The following SLC25A21 variants were observed in gnomAD, a reference collection of about 807,000 sequenced individuals.
SLC25A21 encodes mitochondrial 2-oxodicarboxylate carrier.
A neutral mutation model predicts 43.8 loss-of-function variants in SLC25A21; 47 were observed. The ratio of observed to expected loss-of-function variants is 1.07; its 90% CI spans 0.85 to 1.37. The LOEUF is 1.37. Ranked by LOEUF, SLC25A21 falls within the 40% of genes most tolerant of loss-of-function variation. The pLI is 0.00. For synonymous variants in SLC25A21, 131 were observed against 121.3 expected, an observed-to-expected ratio of 1.08 and a Z score of -0.52; for missense variants, 352 against 350.2, an observed-to-expected ratio of 1.00 and a Z score of -0.04.
intron 1 of SLC25A21, among the ~76,000 whole-genome samples, chr14:37,161,995 T>C (rs1393934700): frequency 2.9e-5 from 4 of 135,920 alleles, no homozygotes; most frequent in South Asian, 2.3e-4. Flanking sequence ...AAATCTAATA[T>C]TAAAAAAAAA....
At chr14:36,931,055 C>G (rs540133657) in intron 1 of SLC25A21, among the ~76,000 whole-genome samples, 15 of 152,172 alleles carry the variant, frequency 9.9e-5, no homozygotes, top group African/African-American at 3.6e-4. Flanking sequence ...CCCACAGACT[C>G]GGGTTCTTTT....
intron 1 of SLC25A21, among the ~76,000 whole-genome samples, chr14:36,956,721 G>A (rs903378798): frequency 6.6e-6 from 1 of 151,900 alleles, no homozygotes; most frequent in Admixed American, 6.6e-5. Context: ...ATTAACTTAC[G>A]AATAATGGGG....
chr14:36,707,952 C>A (rs1883651317), intron 7 of SLC25A21, among the ~76,000 whole-genome samples: 1 of 151,940 alleles, frequency 6.6e-6, no homozygotes, highest in South Asian at 2.1e-4. Context: ...AAGGGAGATC[C>A]CAATTTCTAC....
At chr14:36,900,469 G>A (rs980230584) in intron 1 of SLC25A21, among the ~76,000 whole-genome samples, 9 of 152,106 alleles carry the variant, frequency 5.9e-5, no homozygotes, top group Non-Finnish European at 1.3e-4. Flanking sequence ...TGACACTTTT[G>A]CTGCTTCCTA....
chr14:37,045,081 C>T (rs907616638), intron 1 of SLC25A21, among the ~76,000 whole-genome samples: 25 of 152,220 alleles, frequency 1.6e-4, no homozygotes, highest in Non-Finnish European at 3.2e-4. Flanking sequence ...AAGAATTCCA[C>T]ACACCATGAC....
At chr14:37,056,966 A>G (rs1832925260) in intron 1 of SLC25A21, among the ~76,000 whole-genome samples, 1 of 152,174 alleles carries the variant, frequency 6.6e-6, no homozygotes, top group Non-Finnish European at 1.5e-5. Context: ...TGAGAATTCG[A>G]TTTGTTTGGT....
intron 1 of SLC25A21, among the ~76,000 whole-genome samples, chr14:37,137,039 C>T (rs994126299): frequency 6.6e-6 from 1 of 152,140 alleles, no homozygotes; most frequent in African/African-American, 2.4e-5. Flanking sequence ...CTCGCTCTGT[C>T]GCCCAGGCTG....
At chr14:37,042,643 A>G (rs995326691) in intron 1 of SLC25A21, among the ~76,000 whole-genome samples, 3 of 152,228 alleles carry the variant, frequency 2.0e-5, no homozygotes, top group African/African-American at 7.2e-5. Flanking sequence ...TGACATTACA[A>G]GATTCATCAA....
chr14:36,780,961 T>C (rs1887035450), intron 3 of SLC25A21, among the ~76,000 whole-genome samples: 1 of 152,166 alleles, frequency 6.6e-6, no homozygotes, highest in South Asian at 2.1e-4. Context: ...TATCTATCTA[T>C]GCTTTCATAT....
At chr14:36,765,560 A>C (rs1363917142) in intron 3 of SLC25A21, among the ~76,000 whole-genome samples, 1 of 152,202 alleles carries the variant, frequency 6.6e-6, no homozygotes, top group African/African-American at 2.4e-5. Flanking sequence ...ATTGTATATC[A>C]TGGCTTACTG....
At position 36,679,843 on chromosome 14, in the gene SLC25A21, C is replaced by T. The variant is rs900367111; in HGVS notation, c.*815G>A. ...GTGATTTAACATGACAATATCTCATCAACAAAACTTATCTTCAAAGAGAAC... is the reference window on the plus strand; with the variant it reads ...GTGATTTAACATGACAATATCTCATTAACAAAACTTATCTTCAAAGAGAAC... On this transcript the variant is annotated 3_prime_UTR_variant, in exon 10 of 10. Transcript: ENST00000331299. The T allele has an allele frequency of 2.9e-5, 29 of 984,282 alleles. No homozygotes were observed. The highest frequency in any genetic ancestry group is 1.2e-4 in the Admixed American group (2 of 16,252). 61.0% of individuals were successfully genotyped at this position (984,282 alleles called of 1,614,324 possible). A position where few individuals can be genotyped will look rare whatever the true frequency, so the allele number is the denominator to read the frequency against.
At position 36,720,321 on chromosome 14, in the gene SLC25A21, A is replaced by G. The variant is rs991173854; in HGVS notation, c.438+5249T>C. ...GTTGTTAGGAAATTTCATGTCTAAA[A>G]GACCCCACGGACTCACCACCTTAGG... is the stretch of plus-strand genomic sequence containing the variant. On this transcript the variant is annotated intron_variant, in intron 6 of 9. Coordinates refer to ENST00000331299, the MANE Select transcript of SLC25A21 (RefSeq NM_030631.4). 2.0e-5 allele frequency among the ~76,000 whole-genome samples: 3 copies of G among 152,260 alleles called. No homozygotes were observed. In the East Asian group the frequency reaches 5.8e-4, roughly 29 times the overall value.
intron 1 of SLC25A21, among the ~76,000 whole-genome samples, chr14:37,127,996 GC>G (rs1376195871): frequency 1.3e-5 from 2 of 152,102 alleles, no homozygotes; most frequent in African/African-American, 4.8e-5. Context: ...AATTCAACAA[GC>G]AAAAACTCAT....
At chr14:36,885,666 G>C (rs1442974766) in intron 1 of SLC25A21, among the ~76,000 whole-genome samples, 3 of 152,186 alleles carry the variant, frequency 2.0e-5, no homozygotes, top group Non-Finnish European at 4.4e-5. Flanking sequence ...GTACTGATAA[G>C]TTTTGAGTCT....
chr14:36,952,785 G>A (rs1200288449), intron 1 of SLC25A21, among the ~76,000 whole-genome samples: 1 of 152,190 alleles, frequency 6.6e-6, no homozygotes, highest in Admixed American at 6.5e-5. Context: ...TTTTTATCCA[G>A]TCAGCAAGGG....
At chr14:36,761,906 C>A (rs1465614947) in intron 3 of SLC25A21, among the ~76,000 whole-genome samples, 1 of 152,062 alleles carries the variant, frequency 6.6e-6, no homozygotes, top group Non-Finnish European at 1.5e-5. Context: ...GTTCTTTTTC[C>A]TTCCTGCTGC....
intron 1 of SLC25A21, among the ~76,000 whole-genome samples, chr14:37,029,165 A>C (rs1353306379): frequency 1.3e-5 from 2 of 152,234 alleles, no homozygotes; most frequent in Non-Finnish European, 1.5e-5. Context: ...AACAATGCAC[A>C]ATTTGCCTAA....
intron 3 of SLC25A21, among the ~76,000 whole-genome samples, chr14:36,784,277 C>T (rs530844266): frequency 1.4e-4 from 22 of 152,344 alleles, no homozygotes; most frequent in African/African-American, 5.3e-4. Context: ...TTACATCAGG[C>T]TTGCTATGCA....
chr14:36,722,675 T>C (rs974646222), intron 6 of SLC25A21, among the ~76,000 whole-genome samples: 3 of 152,224 alleles, frequency 2.0e-5, no homozygotes, highest in African/African-American at 7.2e-5. Context: ...TTTTTATTTT[T>C]TAAATGTAGC....
Sources: allele counts gnomAD v4.1 joint callset (sites outside exome capture counted in the v4.1 genomes callset), GRCh38; gene constraint gnomAD v4.1.1; transcripts MANE v1.5; gene names NCBI Gene and HGNC (gene_info 2026-07-23, HGNC 2026-07-21).